Variants in SUGP1 observed in about 807,000 individuals in gnomAD.
The protein encoded by SUGP1 is SURP and G-patch domain-containing protein 1.
Under a neutral mutation model 76.5 loss-of-function variants are expected in SUGP1, and 34 were observed. The ratio of observed to expected loss-of-function variants is 0.44; its 90% confidence interval spans 0.34 to 0.59. The LOEUF (loss-of-function observed/expected upper bound fraction) is 0.59. Among genes scored for constraint, SUGP1 ranks in the 20% least tolerant of loss-of-function variants. The probability of loss-of-function intolerance (pLI) is 0.01; values close to 1 mark genes in which losing one functional copy is unlikely to be tolerated. For missense variants in SUGP1, 752 were observed against 851.7 expected (o/e 0.88, Z 1.46); for synonymous variants, 326 against 326.2 (o/e 1.00, Z 0.01).
In SUGP1 at chr19:19,280,146, G is replaced by A. The variant is rs765878172; in HGVS notation, c.1350+39C>T. The A allele has an allele frequency of 1.0e-5, 16 of 1,590,018 alleles. No individual in the cohort carries two copies. The East Asian group carries it at 3.1e-4, about 31-fold the overall frequency. On this transcript the variant is annotated intron_variant, in intron 9 of 13. Coordinates refer to ENST00000247001, the MANE Select transcript of SUGP1 (RefSeq NM_172231.4). ...GGGTAGAGGACAACACTCTATGGGC[G>A]CCGACCATGTCCCCGTCCCCTTGTC...
At chr19:19,316,894 T>C (rs1441440706) in intron 1 of SUGP1, among the ~76,000 whole-genome samples, 3 of 152,122 alleles carry the variant, frequency 2.0e-5, no homozygotes, top group African/African-American at 4.8e-5. Flanking sequence ...TCCCAGCACT[T>C]TGGGAGGCAG....
chr19:19,320,479 G>T lies in SUGP1; in HGVS notation c.18C>A (p.Asp6Glu). The T allele has an allele frequency of 2.5e-6, 4 of 1,610,216 alleles. No individual in the cohort carries two copies. The highest frequency in any genetic ancestry group is 3.4e-6 in the Non-Finnish European group (4 of 1,178,642). Residue 6 changes from aspartate (D) to glutamate (E), a missense_variant, in exon 1 of 14, where the codon GAC becomes GAA. Physicochemically the swap from Asp to Glu is conservative, Grantham distance 45. This residue lies in a region of SUGP1 where 620 missense variants were observed against 617.3 expected (regional missense o/e 1.00). Coordinates refer to ENST00000247001, the MANE Select transcript of SUGP1 (RefSeq NM_172231.4). ...GGCTGTTACCTGCAACATCCCGGTT[G>T]TCCATCTTGAGACTCATCCAATCCC... is the stretch of plus-strand genomic sequence containing the variant. MSLKM[D>E]NRDVAGKANR...
chr19:19,287,976 C>G (rs533442335), intron 8 of SUGP1, among the ~76,000 whole-genome samples: 1 of 152,278 alleles, frequency 6.6e-6, no homozygotes, highest in East Asian at 1.9e-4. Context: ...AGCTGTTCAA[C>G]ACGACACTGA....
chr19:19,308,346 A>T (rs560210284), intron 3 of SUGP1, among the ~76,000 whole-genome samples: 16 of 152,284 alleles, frequency 1.1e-4, no homozygotes, highest in Admixed American at 9.2e-4. Flanking sequence ...ACATCTATGA[A>T]TTCTGAGTGA....
intron 7 of SUGP1, 133 bp from the exon 8 acceptor site, chr19:19,297,477 C>T: frequency 1.7e-6 from 1 of 575,212 alleles, no homozygotes; most frequent in Non-Finnish European, 2.8e-6. Context: ...TAGTCACGGT[C>T]TCCACCATGA....
chr19:19,287,939 G>A (rs916486786), intron 8 of SUGP1, among the ~76,000 whole-genome samples: 1 of 152,150 alleles, frequency 6.6e-6, no homozygotes, highest in African/African-American at 2.4e-5. Context: ...TCGGCAGCAA[G>A]ACCAACCCCT....
At chr19:19,290,884 T>C (rs1412195697) in intron 8 of SUGP1, among the ~76,000 whole-genome samples, 2 of 151,782 alleles carry the variant, frequency 1.3e-5, no homozygotes, top group Non-Finnish European at 2.9e-5. Flanking sequence ...TTTGGGAGGC[T>C]GAGGTGGGCG....
At chr19:19,306,169 C>CT in intron 3 of SUGP1, 93 bp from the exon 4 acceptor site, 1 of 1,281,126 alleles carries the variant, frequency 7.8e-7, no homozygotes, top group Non-Finnish European at 1.0e-6. Flanking sequence ...CCCGGGGGAG[C>CT]TGGGTCCTTG....
chr19:19,288,672 C>T (rs1375616305), intron 8 of SUGP1, among the ~76,000 whole-genome samples: 3 of 152,122 alleles, frequency 2.0e-5, no homozygotes, highest in African/African-American at 7.2e-5. Flanking sequence ...GGAAGGATAG[C>T]TTGAGCTCAA....
chr19:19,314,949 G>A (rs756199184), intron 2 of SUGP1, among the ~76,000 whole-genome samples: 1 of 152,116 alleles, frequency 6.6e-6, no homozygotes, highest in African/African-American at 2.4e-5. Flanking sequence ...CAGGAGAATC[G>A]CTTGAAACTT....
intron 9 of SUGP1, among the ~76,000 whole-genome samples, chr19:19,279,743 A>AC (rs2061082911): frequency 6.6e-6 from 1 of 152,168 alleles, no homozygotes. Context: ...GGGAGCCAAC[A>AC]CCGACACTGC....
At chr19:19,280,415 A>C in intron 8 of SUGP1, 124 bp from the exon 9 acceptor site, 1 of 844,782 alleles carries the variant, frequency 1.2e-6, no homozygotes, top group Non-Finnish European at 1.9e-6. Flanking sequence ...ACCTCATATC[A>C]TTACTGTCAG....
chr19:19,295,879 G>A (rs777206263), intron 8 of SUGP1, among the ~76,000 whole-genome samples: 4 of 151,986 alleles, frequency 2.6e-5, no homozygotes, highest in African/African-American at 4.8e-5. Context: ...AACATAAAAC[G>A]TGGGGAAAAA....
chr19:19,285,909 A>T (rs1310587124), intron 8 of SUGP1, among the ~76,000 whole-genome samples: 1 of 152,142 alleles, frequency 6.6e-6, no homozygotes, highest in Admixed American at 6.6e-5. Flanking sequence ...TTTTGTGCAA[A>T]TGCAGTTGGG....
At chr19:19,278,387 A>C (rs2061070452) in intron 11 of SUGP1, among the ~76,000 whole-genome samples, 1 of 152,216 alleles carries the variant, frequency 6.6e-6, no homozygotes, top group Non-Finnish European at 1.5e-5. Context: ...TGGAGAGGCC[A>C]GTCCGTGGGG....
At chr19:19,307,463 A>G (rs1193560333) in intron 3 of SUGP1, among the ~76,000 whole-genome samples, 2 of 152,152 alleles carry the variant, frequency 1.3e-5, no homozygotes, top group Non-Finnish European at 2.9e-5. Flanking sequence ...CCTAAAAAAA[A>G]TAACGTCGAG....
At chr19:19,294,824 C>A (rs2061212770) in intron 8 of SUGP1, among the ~76,000 whole-genome samples, 1 of 151,056 alleles carries the variant, frequency 6.6e-6, no homozygotes. Context: ...ACTTTCTGGC[C>A]ACATTAAAAA....
In SUGP1 at chr19:19,280,248, C is replaced by T. The variant is rs369304463; in HGVS notation, c.1287G>A (p.Val429=). ...KGLGYEKGKP[V]GLVGVTELSD... Reference sequence around the variant, plus strand: ...AAAGCTCTGTGACGCCCACTAGACCCACAGGCTTCCCCTTCTCATAGCCGA... The same window carrying T: ...AAAGCTCTGTGACGCCCACTAGACCTACAGGCTTCCCCTTCTCATAGCCGA... Residue 429 remains valine, a synonymous_variant, in exon 9 of 14, where the codon GTG becomes GTA. Coordinates refer to ENST00000247001, the MANE Select transcript of SUGP1 (RefSeq NM_172231.4). 7.4e-6 allele frequency: 12 copies of T among 1,613,942 alleles called. No individual in the cohort carries two copies. The African/African-American group carries it at 1.5e-4, about 20-fold the overall frequency.
chr19:19,316,158 A>C, intron 2 of SUGP1: 1 of 479,360 alleles, frequency 2.1e-6, no homozygotes, highest in South Asian at 2.5e-5. Flanking sequence ...TTACTCTGTT[A>C]TACCCCTTCC....
Sources: gnomAD v4.1 joint callset for allele counts (sites outside exome capture counted in the v4.1 genomes callset) on GRCh38, gnomAD v4.1.1 for gene constraint, gnomAD v4.1.1 regional missense constraint, MANE v1.5 for transcripts, NCBI Gene and HGNC (gene_info 2026-07-23, HGNC 2026-07-21) for gene names.